The following GGTA1 variants were observed in gnomAD, a reference collection of about 807,000 sequenced individuals.
The protein encoded by GGTA1 is inactive N-acetyllactosaminide alpha-1,3-galactosyltransferase.
Under a neutral mutation model 2.6 loss-of-function variants are expected in GGTA1, and 5 were observed. The observed-to-expected ratio is 1.92, with a 90% CI of 1.00 to 4.04. The LOEUF (loss-of-function observed/expected upper bound fraction) is 4.04. Among genes scored for constraint, GGTA1 ranks in the 30% most tolerant of loss-of-function variants. GGTA1 has a pLI of 0.00. For synonymous variants in GGTA1, 17 were observed against 5.0 expected, an observed-to-expected ratio of 3.38 and a Z score of -3.19; for missense variants, 50 against 16.7, an observed-to-expected ratio of 2.99 and a Z score of -3.47.
At chr9:121,498,894 G>GTTTT (rs142008912) in intron 1 of GGTA1, among the ~76,000 whole-genome samples, 1 of 142,910 alleles carries the variant, frequency 7.0e-6, no homozygotes, top group Non-Finnish European at 1.5e-5. Context: ...TCTTTTTACT[G>GTTTT]TTTTTTTTTT....
At chr9:121,490,295 A>G (rs1336428699) in intron 1 of GGTA1, among the ~76,000 whole-genome samples, 3 of 152,170 alleles carry the variant, frequency 2.0e-5, no homozygotes, top group South Asian at 2.1e-4. Context: ...GAGTTTCACT[A>G]AAGTGCTCAA....
Sources: gnomAD v4.1 joint callset for allele counts (sites outside exome capture counted in the v4.1 genomes callset) on GRCh38, gnomAD v4.1.1 for gene constraint, MANE v1.5 for transcripts, NCBI Gene and HGNC (gene_info 2026-07-23, HGNC 2026-07-21) for gene names.